Variants in SSBP3 observed in about 807,000 individuals in gnomAD.
SSBP3 encodes single-stranded DNA-binding protein 3.
In SSBP3, 5 loss-of-function variants were observed where a neutral mutation model predicts 69.6. The observed-to-expected ratio is 0.07, with a 90% CI of 0.04 to 0.15. The LOEUF (loss-of-function observed/expected upper bound fraction) is 0.15. Among genes scored for constraint, SSBP3 ranks in the 10% least tolerant of loss-of-function variants. The pLI is 1.00. For synonymous variants in SSBP3, 196 were observed against 193.4 expected (o/e 1.01, Z -0.11); for missense variants, 312 against 534.0 (o/e 0.58, Z 4.10).
intron 4 of SSBP3, among the ~76,000 whole-genome samples, chr1:54,299,564 CT>C (rs919347091): frequency 2.0e-5 from 3 of 151,970 alleles, no homozygotes; most frequent in Non-Finnish European, 2.9e-5. Flanking sequence ...CAAGCCCACC[CT>C]TGTGGGCACA....
intron 5 of SSBP3, among the ~76,000 whole-genome samples, chr1:54,276,759 T>G (rs1645296507): frequency 6.6e-6 from 1 of 151,824 alleles, no homozygotes; most frequent in South Asian, 2.1e-4. Flanking sequence ...CAGCCCAGAG[T>G]GCTGCCCTGG....
At chr1:54,308,600 CAAA>C (rs397862361) in intron 4 of SSBP3, among the ~76,000 whole-genome samples, 2 of 101,126 alleles carry the variant, frequency 2.0e-5, no homozygotes. Flanking sequence ...GACTCCATCT[CAAA>C]AAAAAAAAAA....
chr1:54,228,555 G>A (rs1644327586), intron 15 of SSBP3, 78 bp from the exon 16 acceptor site: 6 of 1,586,808 alleles, frequency 3.8e-6, no homozygotes, highest in East Asian at 2.3e-5. Flanking sequence ...TGGGCTCCTC[G>A]GGCCTCTAAG....
intron 7 of SSBP3, among the ~76,000 whole-genome samples, chr1:54,252,802 G>A (rs922089931): frequency 5.9e-5 from 9 of 152,364 alleles, no homozygotes; most frequent in South Asian, 2.1e-4. Context: ...TCATCCCTTA[G>A]GGCTTTATAA....
intron 4 of SSBP3, among the ~76,000 whole-genome samples, chr1:54,358,380 G>A (rs1294432699): frequency 6.6e-6 from 1 of 152,216 alleles, no homozygotes; most frequent in Non-Finnish European, 1.5e-5. Context: ...ACCCAGCTCA[G>A]GAGGCCAGGA....
chr1:54,353,147 G>A (rs1454297471), intron 4 of SSBP3, among the ~76,000 whole-genome samples: 1 of 152,234 alleles, frequency 6.6e-6, no homozygotes, highest in Admixed American at 6.5e-5. Context: ...CTGCCACAGG[G>A]AGGACAACTC....
intron 13 of SSBP3, among the ~76,000 whole-genome samples, chr1:54,239,984 T>C (rs910718269): frequency 6.6e-6 from 1 of 152,102 alleles, no homozygotes; most frequent in African/African-American, 2.4e-5. Context: ...GGATCGTATG[T>C]TGAATTCCTT....
At chr1:54,346,161 CAAA>C (rs779933899) in intron 4 of SSBP3, among the ~76,000 whole-genome samples, 1 of 132,468 alleles carries the variant, frequency 7.5e-6, no homozygotes. Flanking sequence ...GACTTCATCT[CAAA>C]AAAAAAAAAA....
At chr1:54,394,577 C>T (rs1270450251) in intron 4 of SSBP3, among the ~76,000 whole-genome samples, 1 of 152,088 alleles carries the variant, frequency 6.6e-6, no homozygotes, top group Non-Finnish European at 1.5e-5. Context: ...CTGATCAAGG[C>T]CTCAGGGTCA....
intron 4 of SSBP3, among the ~76,000 whole-genome samples, chr1:54,385,962 A>G (rs1175366269): frequency 1.3e-5 from 2 of 152,208 alleles, no homozygotes; most frequent in Non-Finnish European, 2.9e-5. Flanking sequence ...TTCCTTTTTC[A>G]AAGAAAAATG....
intron 4 of SSBP3, among the ~76,000 whole-genome samples, chr1:54,292,638 C>T (rs922129555): frequency 2.0e-5 from 3 of 152,148 alleles, no homozygotes; most frequent in South Asian, 2.1e-4. Flanking sequence ...GACCAGACAG[C>T]GGTGACCCTC....
chr1:54,341,108 C>T (rs1401003807), intron 4 of SSBP3, among the ~76,000 whole-genome samples: 2 of 152,240 alleles, frequency 1.3e-5, no homozygotes, highest in Admixed American at 1.3e-4. Context: ...CGGCTGGCAC[C>T]TGGTGCTGGA....
chr1:54,394,568 T>C (rs1648723359), intron 4 of SSBP3, among the ~76,000 whole-genome samples: 1 of 152,120 alleles, frequency 6.6e-6, no homozygotes, highest in Non-Finnish European at 1.5e-5. Context: ...GGGGGCCGAC[T>C]GATCAAGGCC....
intron 4 of SSBP3, among the ~76,000 whole-genome samples, chr1:54,377,603 G>A (rs1647290661): frequency 5.3e-5 from 8 of 152,172 alleles, no homozygotes. Context: ...AGCATTTCCA[G>A]CGACAGACAC....
chr1:54,341,384 G>GAAACCTTAAAAAA (rs1397929422), intron 4 of SSBP3, among the ~76,000 whole-genome samples: 8 of 152,086 alleles, frequency 5.3e-5, no homozygotes, highest in Non-Finnish European at 1.2e-4. Flanking sequence ...CTCACAGTGG[G>GAAACCTTAAAAAA]CCCATACCTT....
chr1:54,243,011 A>C, intron 10 of SSBP3: 1 of 544,300 alleles, frequency 1.8e-6, no homozygotes, highest in Non-Finnish European at 3.3e-6. Context: ...AGATGAGGTG[A>C]GCTGATGCAC....
chr1:54,299,638 C>T (rs1397596878), intron 4 of SSBP3, among the ~76,000 whole-genome samples: 2 of 152,136 alleles, frequency 1.3e-5, no homozygotes, highest in African/African-American at 4.8e-5. Flanking sequence ...CAAATCATGC[C>T]AGCTCTCAGC....
At chr1:54,225,662 C>A in exon 18 of SSBP3, 2 of 251,846 alleles carry the variant, frequency 7.9e-6, no homozygotes, top group East Asian at 7.2e-5. Flanking sequence ...GGGAGTAAAA[C>A]AAAGACCAGC....
chr1:54,262,364 G>A (rs1459991828), intron 5 of SSBP3, among the ~76,000 whole-genome samples: 1 of 152,182 alleles, frequency 6.6e-6, no homozygotes, highest in Non-Finnish European at 1.5e-5. Context: ...GTCCTGGGTA[G>A]CCCATCATTC....
Sources: allele counts gnomAD v4.1 joint callset (sites outside exome capture counted in the v4.1 genomes callset), GRCh38; gene constraint gnomAD v4.1.1; transcripts MANE v1.5; gene names NCBI Gene and HGNC (gene_info 2026-07-23, HGNC 2026-07-21).